Variants in AGBL4 observed in about 807,000 individuals in gnomAD.
AGBL4 encodes the protein AGBL carboxypeptidase 4.
In AGBL4, 58 loss-of-function variants were observed where a neutral mutation model predicts 66.4. The ratio of observed to expected loss-of-function variants is 0.87; its 90% CI spans 0.71 to 1.09. The LOEUF is 1.09. AGBL4 is among the 50% of genes least tolerant of loss of function. The pLI, the probability that AGBL4 is intolerant of heterozygous loss-of-function variation, is 0.00. For missense variants in AGBL4, 579 were observed against 631.0 expected (o/e 0.92, Z 0.88); for synonymous variants, 234 against 222.9 (o/e 1.05, Z -0.44).
At chr1:49,038,909 C>T (rs1463581985) in intron 5 of AGBL4, among the ~76,000 whole-genome samples, 1 of 152,098 alleles carries the variant, frequency 6.6e-6, no homozygotes, top group Non-Finnish European at 1.5e-5. Flanking sequence ...CTGATGTTTA[C>T]AGCAGCTTTA....
At chr1:49,183,825 C>T (rs1281021418) in intron 4 of AGBL4, among the ~76,000 whole-genome samples, 1 of 152,170 alleles carries the variant, frequency 6.6e-6, no homozygotes, top group Non-Finnish European at 1.5e-5. Context: ...ACACTGTCAT[C>T]TCAAAGAAGA....
At chr1:49,268,936 C>A (rs530955190) in intron 3 of AGBL4, 3 of 152,172 alleles carry the variant, frequency 2.0e-5, no homozygotes, top group Non-Finnish European at 4.4e-5. Context: ...AAAGGTGACA[C>A]CTTTGAATTT....
chr1:49,266,630 C>CACACAT (rs1643926408), intron 3 of AGBL4, among the ~76,000 whole-genome samples: 1 of 151,206 alleles, frequency 6.6e-6, no homozygotes, highest in African/African-American at 2.4e-5. Flanking sequence ...CACACACACA[C>CACACAT]GCGAAGGTAG....
chr1:49,288,496 T>C (rs1193521976), intron 3 of AGBL4, among the ~76,000 whole-genome samples: 1 of 152,120 alleles, frequency 6.6e-6, no homozygotes, highest in East Asian at 1.9e-4. Context: ...TCAAGGCCAT[T>C]GCGAATTTTA....
At chr1:49,562,020 T>A (rs1191699398) in intron 3 of AGBL4, among the ~76,000 whole-genome samples, 2 of 152,164 alleles carry the variant, frequency 1.3e-5, no homozygotes, top group African/African-American at 2.4e-5. Context: ...TGAGATGGTA[T>A]CTCATTGTGG....
intron 4 of AGBL4, chr1:49,187,528 A>G (rs1208304296): frequency 6.6e-6 from 1 of 152,204 alleles, no homozygotes; most frequent in African/African-American, 2.4e-5. Context: ...TCAAATGTTC[A>G]AGATCTCTTG....
At chr1:48,816,895 C>A (rs1169949692) in intron 6 of AGBL4, among the ~76,000 whole-genome samples, 1 of 152,036 alleles carries the variant, frequency 6.6e-6, no homozygotes, top group Non-Finnish European at 1.5e-5. Context: ...GAAGATATAC[C>A]TACATCTGTC....
At chr1:48,931,951 A>G (rs1655073580) in intron 5 of AGBL4, among the ~76,000 whole-genome samples, 1 of 152,044 alleles carries the variant, frequency 6.6e-6, no homozygotes, top group African/African-American at 2.4e-5. Context: ...CCTGCATGCA[A>G]AATCAGCCCA....
intron 4 of AGBL4, among the ~76,000 whole-genome samples, chr1:49,077,861 A>T (rs1440241711): frequency 6.6e-6 from 1 of 152,100 alleles, no homozygotes; most frequent in East Asian, 1.9e-4. Context: ...AGGGGAAGTC[A>T]GTGAGTTCCT....
chr1:49,123,102 C>T (rs778709481), intron 4 of AGBL4, among the ~76,000 whole-genome samples: 3 of 152,170 alleles, frequency 2.0e-5, no homozygotes, highest in Non-Finnish European at 2.9e-5. Context: ...ATCTGCCCGC[C>T]TTGGCCTCCC....
At chr1:48,788,990 C>T (rs1645474380) in intron 6 of AGBL4, among the ~76,000 whole-genome samples, 2 of 152,172 alleles carry the variant, frequency 1.3e-5, no homozygotes, top group African/African-American at 4.8e-5. Flanking sequence ...GAACCCCTTA[C>T]TTGATCCCCA....
At chr1:49,447,067 G>A (rs1646174316) in intron 3 of AGBL4, among the ~76,000 whole-genome samples, 1 of 152,138 alleles carries the variant, frequency 6.6e-6, no homozygotes, top group Non-Finnish European at 1.5e-5. Flanking sequence ...GCCTCCAGTG[G>A]CAACAGAATT....
At chr1:49,523,021 C>A (rs571081700) in intron 3 of AGBL4, among the ~76,000 whole-genome samples, 2 of 152,176 alleles carry the variant, frequency 1.3e-5, no homozygotes, top group Non-Finnish European at 2.9e-5. Flanking sequence ...GAGGTCACAG[C>A]ACAGGACTCT....
At chr1:49,586,822 AATT>A (rs1406554041) in intron 3 of AGBL4, among the ~76,000 whole-genome samples, 1 of 152,126 alleles carries the variant, frequency 6.6e-6, no homozygotes, top group Non-Finnish European at 1.5e-5. Flanking sequence ...AAGGAAAAAT[AATT>A]GAGTTATATT....
At chr1:49,446,033 G>T (rs188976218) in intron 3 of AGBL4, among the ~76,000 whole-genome samples, 4 of 151,986 alleles carry the variant, frequency 2.6e-5, no homozygotes, top group Non-Finnish European at 1.5e-5. Context: ...TGCATTTTTA[G>T]TAGAGACAGG....
At chr1:49,803,767 A>G (rs139958782) in intron 2 of AGBL4, among the ~76,000 whole-genome samples, 2 of 152,198 alleles carry the variant, frequency 1.3e-5, no homozygotes, top group African/African-American at 2.4e-5. Context: ...TGTCATTGCC[A>G]TCAGTATCAT....
At chr1:49,753,983 A>G (rs926466072) in intron 2 of AGBL4, among the ~76,000 whole-genome samples, 2 of 152,162 alleles carry the variant, frequency 1.3e-5, no homozygotes, top group African/African-American at 4.8e-5. Context: ...CATTTTATCA[A>G]GATTCTTAGC....
chr1:48,610,910 A>T (rs1295220469), intron 9 of AGBL4, among the ~76,000 whole-genome samples: 2 of 152,244 alleles, frequency 1.3e-5, no homozygotes, highest in Non-Finnish European at 2.9e-5. Context: ...ACAACTGAAC[A>T]GCATTCAATA....
chr1:49,089,808 C>T (rs1177975412), intron 4 of AGBL4, among the ~76,000 whole-genome samples: 1 of 152,042 alleles, frequency 6.6e-6, no homozygotes, highest in Admixed American at 6.6e-5. Context: ...AATAAAACTT[C>T]AGGCCAGTAT....
Sources: allele counts gnomAD v4.1 joint callset (sites outside exome capture counted in the v4.1 genomes callset), GRCh38; gene constraint gnomAD v4.1.1; transcripts MANE v1.5; gene names NCBI Gene and HGNC (gene_info 2026-07-23, HGNC 2026-07-21).